ADGRG5: variants seen among roughly 807,000 people sequenced by gnomAD.
ADGRG5 encodes the protein G protein-coupled receptor 114.
ADGRG5 carries 37 observed loss-of-function variants against 53.2 expected under a neutral mutation model. The observed-to-expected ratio is 0.70, with a 90% CI of 0.53 to 0.91. ADGRG5 has a LOEUF of 0.91. Among genes scored for constraint, ADGRG5 ranks in the 40% least tolerant of loss-of-function variants. The pLI is 0.00. For missense variants in ADGRG5, 614 were observed against 675.8 expected (o/e 0.91, Z 1.01); for synonymous variants, 277 against 290.4 (o/e 0.95, Z 0.47).
the ADGRG5 span, among the ~76,000 whole-genome samples, chr16:57,536,201 C>T: frequency 1.3e-5 from 2 of 152,122 alleles, no homozygotes; most frequent in African/African-American, 2.4e-5. Flanking sequence ...ATTCCGTCCC[C>T]GCCCGCCGCC....
At chr16:57,568,526 C>A (rs554239931) in intron 9 of ADGRG5, among the ~76,000 whole-genome samples, 1 of 150,768 alleles carries the variant, frequency 6.6e-6, no homozygotes, top group Non-Finnish European at 1.5e-5. Context: ...ACCTCCTCCA[C>A]GTACATCACC....
In ADGRG5 at chr16:57,566,748, C is replaced by A; in HGVS notation, c.696C>A (p.Leu232=). ...RCNHLTYFAV[L]MQLSPALVPA... is the part of the protein sequence containing the mutation. ...ACCACCTCACCTACTTTGCTGTTCT[C>A]ATGGTATGTATGCATCCTGAGTGGG... The change falls in exon 7 of 12, where the codon CTC becomes CTA. Residue 232 remains leucine, a synonymous_variant. Transcript: ENST00000349457. 6.5e-7 allele frequency: 1 copy of A among 1,533,866 alleles called. No homozygotes were observed. Among genetic ancestry groups the A allele is most frequent in the Non-Finnish European group, 8.8e-7 (1 of 1,140,696 alleles).
At chr16:57,571,924 G>A (rs951220746) in intron 10 of ADGRG5, among the ~76,000 whole-genome samples, 1 of 151,884 alleles carries the variant, frequency 6.6e-6, no homozygotes, top group African/African-American at 2.4e-5. Flanking sequence ...GATTACAGGC[G>A]TGAACACTAT....
At chr16:57,537,510 TG>T in the ADGRG5 span, among the ~76,000 whole-genome samples, 3 of 152,226 alleles carry the variant, frequency 2.0e-5, no homozygotes, top group South Asian at 2.1e-4. Flanking sequence ...ATGTTAACAC[TG>T]GAAGTCTTGC....
intron 1 of ADGRG5, among the ~76,000 whole-genome samples, chr16:57,559,168 T>C (rs1243349373): frequency 6.6e-6 from 1 of 152,228 alleles, no homozygotes; most frequent in East Asian, 1.9e-4. Context: ...TTTTGCTTAG[T>C]GTCACTGCAA....
In ADGRG5 at chr16:57,546,078, G is replaced by A. The variant is rs1032650567; in HGVS notation, c.-39+3377G>A. ...TGACCTCAGGTGAGCCTCCTGCCTC[G>A]GCCTCCCAAAGTGCTGGGATTACAG... On this transcript the variant is annotated intron_variant, in intron 1 of 11. Coordinates refer to ENST00000349457, the MANE Select transcript of ADGRG5 (RefSeq NM_001304376.3). 3.3e-5 allele frequency among the ~76,000 whole-genome samples: 5 copies of A among 151,918 alleles called. No individual in the cohort carries two copies. The South Asian group carries it at 8.3e-4, about 25-fold the overall frequency.
the ADGRG5 span, chr16:57,536,421 C>T: frequency 6.6e-6 from 1 of 152,452 alleles, no homozygotes; most frequent in East Asian, 1.9e-4. Context: ...CCCCTTCCTT[C>T]CCGCGGAAGG....
chr16:57,537,611 G>A, the ADGRG5 span, among the ~76,000 whole-genome samples: 2 of 152,066 alleles, frequency 1.3e-5, no homozygotes, highest in African/African-American at 2.4e-5. Flanking sequence ...ATATTTGAGA[G>A]CTTCCTCAAA....
intron 9 of ADGRG5, among the ~76,000 whole-genome samples, chr16:57,570,096 C>T (rs985460452): frequency 2.0e-5 from 3 of 152,196 alleles, no homozygotes; most frequent in Middle Eastern, 3.2e-3. Context: ...CCTTCATCAC[C>T]GTCCTTGCCC....
At position 57,557,765 on chromosome 16, in the gene ADGRG5, A is replaced by G. The variant is rs145539226; in HGVS notation, c.-38-4291A>G. Among the ~76,000 whole-genome samples the G allele has an allele frequency of 2.3e-4, 35 of 152,362 alleles. No homozygotes were observed. The East Asian group carries it at 6.0e-3, about 26-fold the overall frequency. On this transcript the variant is annotated intron_variant, in intron 1 of 11. Transcript: ENST00000349457. ...TGTCCAGTTTGCTAATAAACCCATTAAAGGAATTCTTCATCACTGATATCG... is the reference window on the plus strand; with the variant it reads ...TGTCCAGTTTGCTAATAAACCCATTGAAGGAATTCTTCATCACTGATATCG...
In ADGRG5 at chr16:57,563,915, G is replaced by A. The variant is rs765548451; in HGVS notation, c.365G>A (p.Cys122Tyr). The A allele has an allele frequency of 6.2e-7, 1 of 1,614,106 alleles. No individual in the cohort carries two copies. The highest frequency in any genetic ancestry group is 1.7e-5 in the Admixed American group (1 of 60,018). ...CCCGCCGAGCTGACCCGGGACGCCTGCAAGACCCGCCCCAGGGAGCTGCGG... is the reference window on the plus strand; with the variant it reads ...CCCGCCGAGCTGACCCGGGACGCCTACAAGACCCGCCCCAGGGAGCTGCGG... ...QFPAELTRDA[C>Y]KTRPRELRLI... is the part of the protein sequence containing the mutation. Residue 122 changes from cysteine (C) to tyrosine (Y), a missense_variant, in exon 5 of 12, where the codon TGC (cysteine) becomes TAC (tyrosine). Coordinates refer to ENST00000349457, the MANE Select transcript of ADGRG5 (RefSeq NM_001304376.3).
chr16:57,559,337 C>T (rs1454868344), intron 1 of ADGRG5, among the ~76,000 whole-genome samples: 2 of 152,204 alleles, frequency 1.3e-5, no homozygotes, highest in East Asian at 3.9e-4. Context: ...TGCACTCATG[C>T]AGGGCCCAGA....
the ADGRG5 span, among the ~76,000 whole-genome samples, chr16:57,534,593 G>A: frequency 6.6e-6 from 1 of 152,118 alleles, no homozygotes; most frequent in Non-Finnish European, 1.5e-5. Flanking sequence ...TACAGCAAAG[G>A]CCTTACTTTG....
intron 1 of ADGRG5, among the ~76,000 whole-genome samples, chr16:57,548,042 C>G (rs947799539): frequency 3.9e-5 from 6 of 152,220 alleles, no homozygotes; most frequent in Admixed American, 6.5e-5. Context: ...GCCACCACGC[C>G]TGGCCTCAAA....
At chr16:57,550,230 G>A (rs756131427) in intron 1 of ADGRG5, among the ~76,000 whole-genome samples, 6 of 152,104 alleles carry the variant, frequency 3.9e-5, no homozygotes, top group Admixed American at 6.5e-5. Flanking sequence ...CACCCGCCTC[G>A]GCCTCCCAAA....
chr16:57,535,976 G>T, the ADGRG5 span, among the ~76,000 whole-genome samples: 344 of 152,238 alleles, frequency 2.3e-3, 1 homozygote, highest in African/African-American at 8.0e-3. Context: ...CTCCCAAGCC[G>T]CTGGCCCTGC....
intron 5 of ADGRG5, among the ~76,000 whole-genome samples, chr16:57,564,780 G>A (rs12922064): frequency 0.35 from 53,171 of 151,860 alleles, 9,840 homozygotes; most frequent in African/African-American, 0.48. Flanking sequence ...GGTGGAGGGC[G>A]TGAGGCTGGA....
chr16:57,572,992 T>C (rs2033403231), intron 10 of ADGRG5, among the ~76,000 whole-genome samples: 1 of 152,212 alleles, frequency 6.6e-6, no homozygotes, highest in African/African-American at 2.4e-5. Flanking sequence ...ACTGTGTTCC[T>C]GAGCTAGAGC....
upstream of ADGRG5, among the ~76,000 whole-genome samples, chr16:57,542,238 A>G (rs56224253): frequency 6.2e-3 from 945 of 152,300 alleles, 4 homozygotes; most frequent in African/African-American, 0.019. Flanking sequence ...GCCATCATCA[A>G]TATGCCATCA....
Sources: gnomAD v4.1 joint callset for allele counts (sites outside exome capture counted in the v4.1 genomes callset) on GRCh38, gnomAD v4.1.1 for gene constraint, MANE v1.5 for transcripts, NCBI Gene and HGNC (gene_info 2026-07-23, HGNC 2026-07-21) for gene names.